EXOC6B: variants seen among roughly 807,000 people sequenced by gnomAD.
EXOC6B encodes the protein SEC15 homolog B.
Under a neutral mutation model 113.5 loss-of-function variants are expected in EXOC6B, and 54 were observed. The ratio of observed to expected loss-of-function variants is 0.48; its 90% CI spans 0.38 to 0.60. The LOEUF (loss-of-function observed/expected upper bound fraction) is 0.60. EXOC6B is among the 20% of genes least tolerant of loss of function. The pLI, the probability that EXOC6B is intolerant of heterozygous loss-of-function variation, is 0.00. For synonymous variants in EXOC6B, 357 were observed against 339.0 expected (o/e 1.05, Z -0.58); for missense variants, 797 against 977.5 (o/e 0.82, Z 2.46).
In EXOC6B at chr2:72,746,936, C is replaced by T. The variant is rs1293759401; in HGVS notation, c.114-5467G>A. Among the ~76,000 whole-genome samples, 3 of 151,982 alleles carry T rather than the reference C, an allele frequency of 2.0e-5. No homozygotes were observed. In the East Asian group the frequency reaches 5.8e-4, roughly 29 times the overall value. ...CATTGTACACTCAAGGAAACTGAGG[C>T]CCAGGCAAGTTAAATGCCTTAATCA... is the stretch of plus-strand genomic sequence containing the variant. On this transcript the variant is annotated intron_variant, in intron 1 of 21. Coordinates refer to ENST00000272427, the MANE Select transcript of EXOC6B (RefSeq NM_015189.3).
intron 18 of EXOC6B, among the ~76,000 whole-genome samples, chr2:72,416,974 A>G (rs1208141513): frequency 1.3e-5 from 2 of 152,280 alleles, no homozygotes; most frequent in African/African-American, 2.4e-5. Flanking sequence ...CTCAGGTGAC[A>G]ATATAATCAA....
At chr2:72,631,550 G>C (rs1177875103) in intron 6 of EXOC6B, among the ~76,000 whole-genome samples, 2 of 146,396 alleles carry the variant, frequency 1.4e-5, no homozygotes, top group Non-Finnish European at 3.0e-5. Flanking sequence ...TGTCACCCAG[G>C]CTGGAGTACA....
chr2:72,230,342 G>A (rs1190751404), intron 20 of EXOC6B, among the ~76,000 whole-genome samples: 1 of 152,164 alleles, frequency 6.6e-6, no homozygotes, highest in Non-Finnish European at 1.5e-5. Flanking sequence ...TTTGGAAAGG[G>A]AAGAACTAGT....
chr2:72,757,754 A>T (rs1682509281), intron 1 of EXOC6B, among the ~76,000 whole-genome samples: 1 of 152,142 alleles, frequency 6.6e-6, no homozygotes, highest in African/African-American at 2.4e-5. Context: ...CTCAGGATCG[A>T]TCCCTCACAA....
At chr2:72,514,125 T>C (rs996866962) in intron 10 of EXOC6B, among the ~76,000 whole-genome samples, 3 of 152,112 alleles carry the variant, frequency 2.0e-5, no homozygotes, top group Non-Finnish European at 4.4e-5. Context: ...CCTAGCCCAC[T>C]GCCTGTTTTT....
intron 18 of EXOC6B, among the ~76,000 whole-genome samples, chr2:72,441,094 T>C (rs1696173173): frequency 6.6e-6 from 1 of 152,194 alleles, no homozygotes. Flanking sequence ...AGTGCTTCCA[T>C]CAGGAGCTCT....
intron 19 of EXOC6B, among the ~76,000 whole-genome samples, chr2:72,372,582 ACACCTGT>A (rs1691097468): frequency 6.6e-6 from 1 of 152,174 alleles, no homozygotes; most frequent in Non-Finnish European, 1.5e-5. Context: ...GTGGTGGCTC[ACACCTGT>A]AATCCCAGCA....
intron 20 of EXOC6B, among the ~76,000 whole-genome samples, chr2:72,302,035 G>A (rs1686565246): frequency 6.6e-6 from 1 of 152,048 alleles, no homozygotes; most frequent in African/African-American, 2.4e-5. Context: ...CTGGCATGTT[G>A]TATCTTTCTT....
intron 20 of EXOC6B, among the ~76,000 whole-genome samples, chr2:72,328,411 CAA>C (rs59050216): frequency 1.5e-5 from 2 of 137,172 alleles, no homozygotes. Flanking sequence ...GGCACCAATA[CAA>C]AAAAAAAAAA....
intron 19 of EXOC6B, among the ~76,000 whole-genome samples, chr2:72,379,277 G>A (rs1691542432): frequency 6.6e-6 from 1 of 152,160 alleles, no homozygotes; most frequent in Non-Finnish European, 1.5e-5. Context: ...TTTAAGTTTT[G>A]TATTTCTTAT....
In EXOC6B at chr2:72,481,592, G is replaced by T. The variant is rs1361310315; in HGVS notation, c.1666-842C>A. Among the ~76,000 whole-genome samples, 4 of 152,208 alleles carry T rather than the reference G, an allele frequency of 2.6e-5. No individual in the cohort carries two copies. The East Asian group carries it at 5.8e-4, about 22-fold the overall frequency. On this transcript the variant is annotated intron_variant, in intron 16 of 21. Coordinates refer to ENST00000272427, the MANE Select transcript of EXOC6B (RefSeq NM_015189.3). ...TAATAAACTACATCAGTTTGTGGAA[G>T]AAAGAACATGGGCATCAAAGTGAAA...
chr2:72,375,781 G>A (rs1406917525), intron 19 of EXOC6B, among the ~76,000 whole-genome samples: 1 of 152,056 alleles, frequency 6.6e-6, no homozygotes, highest in African/African-American at 2.4e-5. Flanking sequence ...TAAACAAAAA[G>A]TAAGCAGAAG....
intron 20 of EXOC6B, among the ~76,000 whole-genome samples, chr2:72,319,685 C>A (rs901760828): frequency 1.3e-5 from 2 of 152,120 alleles, no homozygotes; most frequent in Admixed American, 1.3e-4. Context: ...AAAATATGCA[C>A]AAGATTTGCT....
chr2:72,671,819 G>GAAAGAAAGAAAGA (rs1553464116), intron 6 of EXOC6B, among the ~76,000 whole-genome samples: 1 of 132,898 alleles, frequency 7.5e-6, no homozygotes, highest in African/African-American at 2.8e-5. Context: ...AAGAAAGAAA[G>GAAAGAAAGAAAGA]AAGAGAAAAG....
At chr2:72,657,946 C>T (rs1674715037) in intron 6 of EXOC6B, among the ~76,000 whole-genome samples, 1 of 150,894 alleles carries the variant, frequency 6.6e-6, no homozygotes, top group South Asian at 2.1e-4. Context: ...ATACAATTTT[C>T]CTTTATTTTT....
rs779507469 is a variant in EXOC6B at position 72,492,420 on chromosome 2, T to C, written c.1563A>G (p.Glu521=). The C allele has an allele frequency of 6.2e-7, 1 of 1,611,124 alleles. No homozygotes were observed. The highest frequency in any genetic ancestry group is 1.1e-5 in the South Asian group (1 of 90,956). ...FSEDLHLSST[E]VDDMIRKSTN... ...TTGATTTCCGAATCATGTCATCAAC[T>C]TCAGTTGAGCTGAAAAAGAAGCATT... The change falls in exon 16 of 22, where the codon GAA becomes GAG. Residue 521 remains glutamate (E), a synonymous_variant. Transcript: ENST00000272427.
chr2:72,270,152 C>T (rs938713050), intron 20 of EXOC6B, among the ~76,000 whole-genome samples: 34 of 152,154 alleles, frequency 2.2e-4, no homozygotes, highest in African/African-American at 6.3e-4. Context: ...CAACTCTGGA[C>T]GACTGCTCCC....
Position 72,251,810 on chromosome 2 carries a change from C to T in EXOC6B, c.2197-67623G>A, listed in dbSNP as rs1042150926. On this transcript the variant is annotated intron_variant, in intron 20 of 21. Coordinates refer to ENST00000272427, the MANE Select transcript of EXOC6B (RefSeq NM_015189.3). ...AACTATAACTGAAATAAAATTTAAG[C>T]CTTTTCATTTAATGTTTAGCATGTG... 2.8e-4 allele frequency among the ~76,000 whole-genome samples: 42 copies of T among 152,096 alleles called. 1 individual carries two copies. The highest frequency in any genetic ancestry group is 2.4e-3 in the Admixed American group (36 of 15,262).
At chr2:72,586,346 T>C (rs1307745011) in intron 6 of EXOC6B, among the ~76,000 whole-genome samples, 2 of 152,124 alleles carry the variant, frequency 1.3e-5, no homozygotes, top group African/African-American at 4.8e-5. Flanking sequence ...TTGCAAACTA[T>C]GCATCTGATA....
Sources: allele counts gnomAD v4.1 joint callset (sites outside exome capture counted in the v4.1 genomes callset), GRCh38; gene constraint gnomAD v4.1.1; transcripts MANE v1.5; gene names NCBI Gene and HGNC (gene_info 2026-07-23, HGNC 2026-07-21).